The following WDPCP variants were observed in gnomAD, a reference collection of about 807,000 sequenced individuals.
The protein encoded by WDPCP is WD repeat-containing and planar cell polarity effector protein fritz homolog.
A neutral mutation model predicts 93.1 loss-of-function variants in WDPCP; 71 were observed. That is an observed-to-expected ratio of 0.76 (90% CI 0.63 to 0.93). The LOEUF is 0.93. Ranked by LOEUF, WDPCP falls within the 40% of genes least tolerant of loss-of-function variation. The pLI, the probability that WDPCP is intolerant of heterozygous loss-of-function variation, is 0.00. For missense variants in WDPCP, 844 were observed against 887.4 expected (o/e 0.95, Z 0.62); for synonymous variants, 315 against 315.0 (o/e 1.00, Z 0.00).
At chr2:63,553,875 C>A (rs1705870640) in intron 1 of WDPCP, among the ~76,000 whole-genome samples, 1 of 152,182 alleles carries the variant, frequency 6.6e-6, no homozygotes, top group South Asian at 2.1e-4. Context: ...CAAACACACA[C>A]AAATTTATTT....
At chr2:63,741,951 A>G (rs1459141117) in intron 2 of WDPCP, among the ~76,000 whole-genome samples, 1 of 152,152 alleles carries the variant, frequency 6.6e-6, no homozygotes, top group African/African-American at 2.4e-5. Context: ...AGTTTACTTC[A>G]GTTTAACAAA....
At chr2:63,673,500 C>T (rs1005540192) in intron 2 of WDPCP, among the ~76,000 whole-genome samples, 1 of 152,066 alleles carries the variant, frequency 6.6e-6, no homozygotes, top group African/African-American at 2.4e-5. Flanking sequence ...TAAAGGAATC[C>T]CCATCAGGCA....
At chr2:63,152,425 C>T (rs927826794) in intron 17 of WDPCP, among the ~76,000 whole-genome samples, 10 of 152,032 alleles carry the variant, frequency 6.6e-5, no homozygotes, top group Admixed American at 6.6e-5. Context: ...CAGGTGCAGC[C>T]GCCACACCTG....
chr2:63,813,733 G>C (rs1670891230), intron 1 of WDPCP: 1 of 152,184 alleles, frequency 6.6e-6, no homozygotes, highest in Non-Finnish European at 1.5e-5. Context: ...GAATATAACA[G>C]GTACTCGATA....
chr2:63,764,636 T>G (rs1038101064), intron 2 of WDPCP, among the ~76,000 whole-genome samples: 3 of 152,226 alleles, frequency 2.0e-5, no homozygotes, highest in African/African-American at 7.2e-5. Flanking sequence ...CACTACACAC[T>G]GACAGCCTTT....
intron 14 of WDPCP, among the ~76,000 whole-genome samples, chr2:63,189,225 G>A (rs1461385249): frequency 1.3e-5 from 2 of 152,118 alleles, no homozygotes; most frequent in Non-Finnish European, 2.9e-5. Flanking sequence ...CCCAAACTAT[G>A]CAAACTGTCA....
chr2:63,319,808 T>C (rs535941135), intron 12 of WDPCP, among the ~76,000 whole-genome samples: 8 of 152,138 alleles, frequency 5.3e-5, no homozygotes, highest in Non-Finnish European at 8.8e-5. Flanking sequence ...GAATACACAT[T>C]CTTCTTAAGC....
At chr2:63,654,345 A>C (rs1268624799) in intron 2 of WDPCP, among the ~76,000 whole-genome samples, 3 of 152,202 alleles carry the variant, frequency 2.0e-5, no homozygotes, top group African/African-American at 7.2e-5. Flanking sequence ...CTTGGGGCTA[A>C]AATAGTTAAA....
intron 14 of WDPCP, among the ~76,000 whole-genome samples, chr2:63,195,824 C>G (rs1675389354): frequency 6.6e-6 from 1 of 152,058 alleles, no homozygotes; most frequent in Non-Finnish European, 1.5e-5. Flanking sequence ...AAAATGTATA[C>G]ACACACTTAT....
chr2:63,430,620 A>G (rs1363884287), intron 9 of WDPCP, among the ~76,000 whole-genome samples: 2 of 152,166 alleles, frequency 1.3e-5, no homozygotes, highest in Admixed American at 6.5e-5. Context: ...GTGGTGGCTC[A>G]TGCCTGTAAT....
At chr2:63,637,671 T>C (rs1290026441) in intron 3 of WDPCP, among the ~76,000 whole-genome samples, 1 of 152,068 alleles carries the variant, frequency 6.6e-6, no homozygotes, top group African/African-American at 2.4e-5. Flanking sequence ...GGCCAGCAGA[T>C]ACAGGAAAGG....
intron 3 of WDPCP, among the ~76,000 whole-genome samples, chr2:63,629,323 A>G (rs773604200): frequency 5.9e-5 from 9 of 152,236 alleles, no homozygotes; most frequent in Non-Finnish European, 1.0e-4. Flanking sequence ...AGTTCCCCTC[A>G]GGCCGTGCTG....
chr2:63,561,523 T>A (rs549030742), intron 1 of WDPCP, among the ~76,000 whole-genome samples: 1 of 149,604 alleles, frequency 6.7e-6, no homozygotes, highest in South Asian at 2.1e-4. Flanking sequence ...AAGCAAAAAT[T>A]GACAAATGGG....
chr2:63,632,054 A>G (rs1056959986), intron 3 of WDPCP, among the ~76,000 whole-genome samples: 5 of 152,222 alleles, frequency 3.3e-5, no homozygotes, highest in African/African-American at 9.6e-5. Flanking sequence ...GACCCCTGCA[A>G]TCGTTACTGA....
At chr2:63,313,555 A>T (rs752569169) in intron 12 of WDPCP, among the ~76,000 whole-genome samples, 5 of 152,088 alleles carry the variant, frequency 3.3e-5, no homozygotes, top group Admixed American at 6.6e-5. Flanking sequence ...CATAACCCCA[A>T]GTAGACACTG....
intron 1 of WDPCP, among the ~76,000 whole-genome samples, chr2:63,567,952 T>C (rs1707198642): frequency 6.6e-6 from 1 of 152,222 alleles, no homozygotes; most frequent in Admixed American, 6.5e-5. Flanking sequence ...GAATTTAGAA[T>C]AGGGTTGAGG....
intron 17 of WDPCP, among the ~76,000 whole-genome samples, chr2:63,149,293 T>C (rs1371448590): frequency 1.3e-5 from 2 of 152,034 alleles, no homozygotes; most frequent in Non-Finnish European, 2.9e-5. Flanking sequence ...ATCAGGCAAA[T>C]ACAAATTAAA....
intron 13 of WDPCP, among the ~76,000 whole-genome samples, chr2:63,285,564 TA>T (rs1303821563): frequency 6.7e-6 from 1 of 150,324 alleles, no homozygotes; most frequent in African/African-American, 2.4e-5. Flanking sequence ...AATAATAGAA[TA>T]AAAAATATAT....
Position 63,326,189 on chromosome 2 carries a change from A to G in WDPCP, c.1749-12878T>C, listed in dbSNP as rs561035104. Reference sequence around the variant, plus strand: ...TCCTTGAGCGACTGGTGCTTCAAATACATAAGTTCGTGGCCCTCAACCCTG... The same window carrying G: ...TCCTTGAGCGACTGGTGCTTCAAATGCATAAGTTCGTGGCCCTCAACCCTG... On this transcript the variant is annotated intron_variant, in intron 12 of 17. Coordinates refer to ENST00000272321, the MANE Select transcript of WDPCP (RefSeq NM_015910.7). 5.3e-5 allele frequency among the ~76,000 whole-genome samples: 8 copies of G among 152,340 alleles called. No individual in the cohort carries two copies. In the East Asian group the frequency reaches 1.4e-3, roughly 26 times the overall value.
Sources: allele counts gnomAD v4.1 joint callset (sites outside exome capture counted in the v4.1 genomes callset), GRCh38; gene constraint gnomAD v4.1.1; transcripts MANE v1.5; gene names NCBI Gene and HGNC (gene_info 2026-07-23, HGNC 2026-07-21).